Variants in IQCK observed in about 807,000 individuals in gnomAD.
IQCK encodes IQ motif containing K.
A neutral mutation model predicts 28.1 loss-of-function variants in IQCK; 29 were observed. That is an observed-to-expected ratio of 1.03 (90% confidence interval 0.77 to 1.41). The LOEUF (loss-of-function observed/expected upper bound fraction) is 1.41, where lower values mean the gene tolerates loss of function less well. IQCK is among the 40% of genes most tolerant of loss of function. The pLI, the probability that IQCK is intolerant of heterozygous loss-of-function variation, is 0.00. For synonymous variants in IQCK, 113 were observed against 115.1 expected, an observed-to-expected ratio of 0.98 and a Z score of 0.12; for missense variants, 359 against 314.7, an observed-to-expected ratio of 1.14 and a Z score of -1.07.
intron 6 of IQCK, among the ~76,000 whole-genome samples, chr16:19,781,943 C>T (rs928510419): frequency 6.6e-6 from 1 of 151,756 alleles, no homozygotes; most frequent in Non-Finnish European, 1.5e-5. Flanking sequence ...GAGCCGAGAT[C>T]GTGCCACTGC....
At chr16:19,855,031 G>A (rs900533692) in intron 9 of IQCK, among the ~76,000 whole-genome samples, 4 of 152,050 alleles carry the variant, frequency 2.6e-5, no homozygotes, top group African/African-American at 7.2e-5. Context: ...TTAGTAGTAC[G>A]CAAAACCAAA....
At chr16:19,836,740 T>C (rs1166564797) in intron 9 of IQCK, among the ~76,000 whole-genome samples, 2 of 152,182 alleles carry the variant, frequency 1.3e-5, no homozygotes, top group Non-Finnish European at 2.9e-5. Context: ...TCTTGATCTC[T>C]TGACTTTGTG....
chr16:19,799,611 C>T lies in IQCK; in HGVS notation c.690+10689C>T, dbSNP rs1364872945. ...ATATATATATATACACACACACACA[C>T]ACACACACACACACACACACACACA... On this transcript the variant is annotated intron_variant, in intron 7 of 7. Transcript: ENST00000564186. Among the ~76,000 whole-genome samples, 160 of 140,934 alleles carry T rather than the reference C, an allele frequency of 1.1e-3. 30 individuals carry two copies. The highest frequency in any genetic ancestry group is 5.0e-3 in the African/African-American group (158 of 31,672). The allele number at this position is 140,934 out of a possible 152,430, so 92.5% of individuals were successfully genotyped here.
At chr16:19,766,034 C>T (rs539668610) in intron 6 of IQCK, 3 of 152,296 alleles carry the variant, frequency 2.0e-5, no homozygotes, top group South Asian at 2.1e-4. Context: ...GGAGCAGTAG[C>T]GGTCATTTCA....
At position 19,825,024 on chromosome 16, in the gene IQCK, G is replaced by C. The variant is rs6497409; in HGVS notation, c.691-2002G>C. Among the ~76,000 whole-genome samples, 38,389 of 151,908 alleles carry C rather than the reference G, an allele frequency of 0.25. 5,275 individuals are homozygous for C. Among genetic ancestry groups the C allele is most frequent in the African/African-American group, 0.35 (14,345 of 41,388 alleles). ...TCCCTTGCACTCACCAACTTCCCTA[G>C]TCTTACCATACCTTATTGATCTTAT... On this transcript the variant is annotated intron_variant, in intron 7 of 7. Transcript: ENST00000564186. This position sits in a 1 kb window ranked among gnomAD's most constrained non-coding sequence, Gnocchi z 4.2.
At chr16:19,786,882 G>T (rs2055570924) in intron 6 of IQCK, among the ~76,000 whole-genome samples, 1 of 72,308 alleles carries the variant, frequency 1.4e-5, no homozygotes, top group Non-Finnish European at 2.2e-5. Flanking sequence ...AAGGGGAGGG[G>T]AGGGGAAGGG....
At chr16:19,735,588 C>G (rs1977988334) in intron 4 of IQCK, 138 bp downstream of exon 4, 11 of 699,114 alleles carry the variant, frequency 1.6e-5, no homozygotes, top group Admixed American at 6.8e-5. Context: ...TTTGGGGTCA[C>G]TTACCCAGTT....
intron 7 of IQCK, among the ~76,000 whole-genome samples, chr16:19,799,262 AT>A (rs1013006515): frequency 6.9e-5 from 6 of 87,418 alleles, no homozygotes; most frequent in Non-Finnish European, 1.2e-4. Flanking sequence ...ATATATATAT[AT>A]TTTTTTTATT....
At position 19,722,679 on chromosome 16, in the gene IQCK, G is replaced by A. The variant is rs1011286689; in HGVS notation, c.181+4192G>A. Among the ~76,000 whole-genome samples, 8 of 150,714 alleles carry A rather than the reference G, an allele frequency of 5.3e-5. No individual in the cohort carries two copies. In the South Asian group the frequency reaches 1.3e-3, roughly 24 times the overall value. On this transcript the variant is annotated intron_variant, in intron 1 of 7. Coordinates refer to ENST00000564186, the Ensembl canonical transcript of IQCK. Reference sequence around the variant, plus strand: ...ACAACTTATCTCCATCTCCACGAATGTTACCATCGTTCACTCAGCTGCCCA... The same window carrying A: ...ACAACTTATCTCCATCTCCACGAATATTACCATCGTTCACTCAGCTGCCCA...
At chr16:19,768,026 T>C (rs1441326537) in intron 6 of IQCK, among the ~76,000 whole-genome samples, 3 of 151,294 alleles carry the variant, frequency 2.0e-5, no homozygotes, top group Non-Finnish European at 4.4e-5. Flanking sequence ...TTTTTTTTTT[T>C]TTTTTAAACT....
chr16:19,784,827 G>A (rs949981417), intron 6 of IQCK, among the ~76,000 whole-genome samples: 1 of 152,158 alleles, frequency 6.6e-6, no homozygotes, highest in Non-Finnish European at 1.5e-5. Context: ...GGAGTGCAGT[G>A]GCACGATCTT....
At chr16:19,732,038 A>G (rs954590293) in intron 2 of IQCK, among the ~76,000 whole-genome samples, 1 of 152,176 alleles carries the variant, frequency 6.6e-6, no homozygotes, top group African/African-American at 2.4e-5. Flanking sequence ...AGGGCAGGAG[A>G]AGAAGGGCGT....
chr16:19,811,431 TG>T (rs2055904101), intron 7 of IQCK, among the ~76,000 whole-genome samples: 1 of 152,216 alleles, frequency 6.6e-6, no homozygotes, highest in African/African-American at 2.4e-5. Flanking sequence ...AGCGAACAGT[TG>T]GATGAACTTT....
chr16:19,718,606 C>A, intron 1 of IQCK, 119 bp downstream of exon 1: 1 of 930,836 alleles, frequency 1.1e-6, no homozygotes, highest in South Asian at 2.7e-5. Context: ...GCAGCGGCTC[C>A]GCGGGCCCGG....
intron 4 of IQCK, among the ~76,000 whole-genome samples, chr16:19,754,207 G>A (rs2055022886): frequency 1.3e-5 from 2 of 152,170 alleles, no homozygotes; most frequent in Admixed American, 1.3e-4. Context: ...TAACCACACT[G>A]GGGCCGTGCC....
Position 19,799,638 on chromosome 16 carries a change from A to ACC in IQCK, c.690+10717_690+10718insCC, listed in dbSNP as rs1402482180. The stretch of plus-strand genomic sequence containing the variant: ...CACACACACACACACACACACACAC[A>ACC]CACCCAGTGAATACATTGAGTCATA... On this transcript the variant is annotated intron_variant, in intron 7 of 7. Transcript: ENST00000564186. 2.2e-4 allele frequency among the ~76,000 whole-genome samples: 28 copies of ACC among 126,028 alleles called. 3 individuals carry two copies. The highest frequency in any genetic ancestry group is 8.7e-4 in the African/African-American group (19 of 21,962). The allele number at this position is 126,028 out of a possible 152,430, so 82.7% of individuals were successfully genotyped here. A position where few individuals can be genotyped will look rare whatever the true frequency, so the allele number is the denominator to read the frequency against.
Position 19,799,640 on chromosome 16 carries a change from A to ACACCC in IQCK, c.690+10719_690+10720insACCCC, listed in dbSNP as rs1472985923. Among the ~76,000 whole-genome samples, 23 of 111,806 alleles carry ACACCC rather than the reference A, an allele frequency of 2.1e-4. 3 individuals are homozygous for ACACCC. Among genetic ancestry groups the ACACCC allele is most frequent in the African/African-American group, 9.7e-4 (21 of 21,706 alleles). 73.3% of individuals were successfully genotyped at this position (111,806 alleles called of 152,430 possible). A position where few individuals can be genotyped will look rare whatever the true frequency, so the allele number is the denominator to read the frequency against. On this transcript the variant is annotated intron_variant, in intron 7 of 7. Coordinates refer to ENST00000564186, the Ensembl canonical transcript of IQCK. ...CACACACACACACACACACACACAC[A>ACACCC]CCCAGTGAATACATTGAGTCATAAC...
chr16:19,773,209 T>C (rs912971163), intron 6 of IQCK, among the ~76,000 whole-genome samples: 8 of 151,710 alleles, frequency 5.3e-5, no homozygotes, highest in African/African-American at 1.9e-4. Flanking sequence ...GCTGAGAAAC[T>C]CAAATGGCAT....
chr16:19,760,938 A>G (rs2055129836), intron 4 of IQCK, among the ~76,000 whole-genome samples: 1 of 152,128 alleles, frequency 6.6e-6, no homozygotes, highest in Non-Finnish European at 1.5e-5. Flanking sequence ...TAACTTTCTG[A>G]TGTTGCCATG....
Sources: allele counts gnomAD v4.1 joint callset (sites outside exome capture counted in the v4.1 genomes callset), GRCh38; gene constraint gnomAD v4.1.1; non-coding constraint Gnocchi (gnomAD v3.1); transcripts MANE v1.5; gene names NCBI Gene and HGNC (gene_info 2026-07-23, HGNC 2026-07-21).